MAD1L1: variants seen among roughly 807,000 people sequenced by gnomAD.
The protein encoded by MAD1L1 is mitotic arrest deficient 1 like 1, also known as mitotic spindle assembly checkpoint protein MAD1.
Under a neutral mutation model 96.9 loss-of-function variants are expected in MAD1L1, and 95 were observed. That is an observed-to-expected ratio of 0.98 (90% CI 0.83 to 1.16). The LOEUF is 1.16. Ranked by LOEUF, MAD1L1 falls within the 50% of genes most tolerant of loss-of-function variation. The pLI is 0.00. For missense variants in MAD1L1, 1,007 were observed against 954.4 expected (o/e 1.06, Z -0.73); for synonymous variants, 473 against 396.6 (o/e 1.19, Z -2.29).
chr7:2,091,550 C>T (rs1032810826), intron 11 of MAD1L1, among the ~76,000 whole-genome samples: 17 of 152,288 alleles, frequency 1.1e-4, no homozygotes, highest in South Asian at 2.1e-4. Context: ...CCGAGGTGGG[C>T]GGATCACAAG....
At chr7:1,882,208 G>T (rs1038128936) in intron 18 of MAD1L1, among the ~76,000 whole-genome samples, 1 of 152,214 alleles carries the variant, frequency 6.6e-6, no homozygotes, top group African/African-American at 2.4e-5. Context: ...CCACACCCCG[G>T]GGTGCCTCGG....
chr7:2,104,326 G>GACAGCCCCC (rs1786972127), intron 11 of MAD1L1, among the ~76,000 whole-genome samples: 1 of 152,246 alleles, frequency 6.6e-6, no homozygotes, highest in African/African-American at 2.4e-5. Flanking sequence ...AACACAGGAA[G>GACAGCCCCC]ACAGCCCCCA....
At chr7:2,035,031 C>G (rs1783403250) in intron 12 of MAD1L1, among the ~76,000 whole-genome samples, 1 of 152,270 alleles carries the variant, frequency 6.6e-6, no homozygotes, top group Non-Finnish European at 1.5e-5. Context: ...GCTGGCCCCA[C>G]AGAGGCGGGA....
chr7:1,980,193 C>T (rs750245457), intron 15 of MAD1L1, among the ~76,000 whole-genome samples: 2 of 152,274 alleles, frequency 1.3e-5, no homozygotes, highest in East Asian at 1.9e-4. Flanking sequence ...CGCACCTCCC[C>T]GCTGGGGGAC....
In MAD1L1 at chr7:2,216,262, T is replaced by A; in HGVS notation, c.704A>T (p.Gln235Leu). 6.2e-7 allele frequency: 1 copy of A among 1,614,122 alleles called. No individual in the cohort carries two copies. Among genetic ancestry groups the A allele is most frequent in the Non-Finnish European group, 8.5e-7 (1 of 1,180,028 alleles). ...CTTCACAATCGCTGCATCCTGCTCT[T>A]GCAGGGACAGCTTCTGCTCCAGATC... ...IKDLEQKLSLQEQDAAIVKNM... is the reference protein window; with the variant it reads ...IKDLEQKLSLLEQDAAIVKNM... The change falls in exon 8 of 19, where the codon CAA (glutamine) becomes CTA (leucine). Residue 235 changes from glutamine (Q) to leucine (L), a missense_variant. Gln to Leu is a moderately radical substitution (Grantham distance 113). Coordinates refer to ENST00000265854, the MANE Select transcript of MAD1L1 (RefSeq NM_001013836.2).
intron 14 of MAD1L1, among the ~76,000 whole-genome samples, chr7:1,989,707 A>G (rs141202462): frequency 0.014 from 2,081 of 151,760 alleles, 38 homozygotes; most frequent in African/African-American, 0.047. Context: ...CAGCCTCAGC[A>G]TGGATCAGCC....
intron 17 of MAD1L1, among the ~76,000 whole-genome samples, chr7:1,916,380 C>A (rs1788395948): frequency 6.6e-6 from 1 of 152,172 alleles, no homozygotes; most frequent in Admixed American, 6.5e-5. Context: ...CAGCTGAGGA[C>A]TGGATGAGTG....
intron 18 of MAD1L1, chr7:1,838,805 C>T (rs772140184): frequency 4.2e-6 from 2 of 471,418 alleles, no homozygotes; most frequent in South Asian, 3.1e-5. Flanking sequence ...GGCCCAGCCA[C>T]TGACCACGGG....
intron 18 of MAD1L1, among the ~76,000 whole-genome samples, chr7:1,817,863 G>T (rs1281582059): frequency 6.6e-6 from 1 of 151,960 alleles, no homozygotes; most frequent in African/African-American, 2.4e-5. Context: ...CCTGGGCTGG[G>T]CCCCGCCCTG....
chr7:2,099,203 C>T (rs1281247026), intron 11 of MAD1L1, among the ~76,000 whole-genome samples: 1 of 152,216 alleles, frequency 6.6e-6, no homozygotes, highest in Non-Finnish European at 1.5e-5. Context: ...CCAGACTCCA[C>T]CCCGACCGCC....
Position 1,888,082 on chromosome 7 carries a change from T to C in MAD1L1, c.1998+10118A>G, listed in dbSNP as rs116528064. Among the ~76,000 whole-genome samples the C allele has an allele frequency of 6.3e-3, 934 of 149,332 alleles. 11 individuals carry two copies. Among genetic ancestry groups the C allele is most frequent in the African/African-American group, 0.022 (893 of 40,312 alleles). ...ATCCGTGTGGGTGGCTGTGCATGCA[T>C]GAGCATGCATGTTCATGGGGCTGCC... On this transcript the variant is annotated intron_variant, in intron 18 of 18. Transcript: ENST00000265854.
At chr7:2,040,075 G>A (rs573500685) in intron 12 of MAD1L1, among the ~76,000 whole-genome samples, 1 of 152,194 alleles carries the variant, frequency 6.6e-6, no homozygotes, top group African/African-American at 2.4e-5. Context: ...AGTTGGGAGT[G>A]AAAGAGACAC....
chr7:2,229,477 G>A (rs1463451616), intron 3 of MAD1L1, among the ~76,000 whole-genome samples: 1 of 152,208 alleles, frequency 6.6e-6, no homozygotes, highest in Non-Finnish European at 1.5e-5. Flanking sequence ...TTTTATAGAA[G>A]AAAACTGTAA....
intron 18 of MAD1L1, 46 bp downstream of exon 18, chr7:1,898,154 A>G (rs1361103854): frequency 6.5e-7 from 1 of 1,547,000 alleles, no homozygotes; most frequent in Admixed American, 1.9e-5. Context: ...CCACAGGAGG[A>G]GACAGAGAGC....
intron 18 of MAD1L1, among the ~76,000 whole-genome samples, chr7:1,887,421 G>GTT (rs1554283767): frequency 6.6e-6 from 1 of 151,236 alleles, no homozygotes; most frequent in Non-Finnish European, 1.5e-5. Flanking sequence ...ATGTGTGTGT[G>GTT]TGCATGCGTG....
chr7:2,136,236 T>C (rs3778995), intron 11 of MAD1L1, among the ~76,000 whole-genome samples: 23,170 of 152,216 alleles, frequency 0.15, 2,004 homozygotes, highest in African/African-American at 0.23. Context: ...CGACCTGTGA[T>C]ATCTGAGCTT....
chr7:1,883,373 A>ACGGCCC, intron 18 of MAD1L1, among the ~76,000 whole-genome samples: 1 of 152,256 alleles, frequency 6.6e-6, no homozygotes, highest in East Asian at 1.9e-4. Flanking sequence ...TGACTCACAA[A>ACGGCCC]CGGCCCCGGG....
intron 10 of MAD1L1, among the ~76,000 whole-genome samples, chr7:2,154,461 A>C (rs903787543): frequency 2.6e-5 from 4 of 152,216 alleles, no homozygotes; most frequent in African/African-American, 9.6e-5. Context: ...TGTATTGTAT[A>C]ATTCAAAGTA....
chr7:2,136,835 G>A lies in MAD1L1; in HGVS notation c.1073+12317C>T, dbSNP rs574243158. On this transcript the variant is annotated intron_variant, in intron 11 of 18. Coordinates refer to ENST00000265854, the MANE Select transcript of MAD1L1 (RefSeq NM_001013836.2). Reference sequence around the variant, plus strand: ...ACCTGCACACCAAGAATCCCAGCTCGGCATGGAAAGGAGCCGGCAGTGGCC... The same window carrying A: ...ACCTGCACACCAAGAATCCCAGCTCAGCATGGAAAGGAGCCGGCAGTGGCC... Among the ~76,000 whole-genome samples the A allele has an allele frequency of 3.9e-5, 6 of 152,310 alleles. No homozygotes were observed. In the South Asian group the frequency reaches 6.2e-4, roughly 16 times the overall value.
Sources: gnomAD v4.1 joint callset for allele counts (sites outside exome capture counted in the v4.1 genomes callset) on GRCh38, gnomAD v4.1.1 for gene constraint, MANE v1.5 for transcripts, NCBI Gene and HGNC (gene_info 2026-07-23, HGNC 2026-07-21) for gene names.